ATP5PB: variants seen among roughly 807,000 people sequenced by gnomAD.
ATP5PB encodes ATP synthase peripheral stalk-membrane subunit b.
In ATP5PB, 21 loss-of-function variants were observed where a neutral mutation model predicts 34.5. The ratio of observed to expected loss-of-function variants is 0.61; its 90% CI spans 0.43 to 0.88. The LOEUF is 0.88. Among genes scored for constraint, ATP5PB ranks in the 40% least tolerant of loss-of-function variants. ATP5PB has a pLI of 0.00. For missense variants in ATP5PB, 293 were observed against 317.4 expected, an observed-to-expected ratio of 0.92 and a Z score of 0.58; for synonymous variants, 108 against 114.1, an observed-to-expected ratio of 0.95 and a Z score of 0.34.
intron 5 of ATP5PB, among the ~76,000 whole-genome samples, chr1:111,457,143 G>T (rs1653495240): frequency 6.6e-6 from 1 of 152,216 alleles, no homozygotes; most frequent in East Asian, 1.9e-4. Flanking sequence ...ATCTGATACT[G>T]TACATTCTAA....
At position 111,449,599 on chromosome 1, in the gene ATP5PB, T is replaced by G; in HGVS notation, c.40+18T>G. On this transcript the variant is annotated intron_variant, in intron 1 of 6. Transcript: ENST00000369722. The stretch of plus-strand genomic sequence containing the variant: ...CACAGCGGGTAAGGGGTATAGACCC[T>G]GCTCTGGACTATCAGAGTGATTGGA... The G allele has an allele frequency of 6.3e-7, 1 of 1,587,818 alleles. No homozygotes were observed. The highest frequency in any genetic ancestry group is 8.6e-7 in the Non-Finnish European group (1 of 1,166,436).
At position 111,462,721 on chromosome 1, in the gene ATP5PB, TTTGA is replaced by T. The variant is rs1294660814; in HGVS notation, c.*1731_*1734del. ...TGATATCTTTGTTACTTAAAGATAA[TTTGA>T]TTGGATCAGCAGTTATTTCAAATTG... On this transcript the variant is annotated 3_prime_UTR_variant, in exon 7 of 7. Coordinates refer to ENST00000369722, the MANE Select transcript of ATP5PB (RefSeq NM_001688.5). 6.6e-5 allele frequency: 10 copies of T among 152,374 alleles called. No individual in the cohort carries two copies. The East Asian group carries it at 1.7e-3, about 26-fold the overall frequency. The allele number at this position is 152,374 out of a possible 1,614,324, so 9.4% of individuals were successfully genotyped here.
chr1:111,456,653 G>A lies in ATP5PB; in HGVS notation c.411G>A (p.Glu137=), dbSNP rs1263454948. Residue 137 remains glutamate (E), a synonymous_variant, in exon 5 of 7, where the codon GAG becomes GAA. Transcript: ENST00000369722. Reference sequence around the variant, plus strand: ...AGCAAAAACTTGCCCAACTAGAAGAGGCGAAGCAGGCTTCCATCCAACACA... The same window carrying A: ...AGCAAAAACTTGCCCAACTAGAAGAAGCGAAGCAGGCTTCCATCCAACACA... ...LNEQKLAQLE[E]AKQASIQHIQ... is the part of the protein sequence containing the mutation. 6.2e-7 allele frequency: 1 copy of A among 1,613,476 alleles called. No individual in the cohort carries two copies. The highest frequency in any genetic ancestry group is 8.5e-7 in the Non-Finnish European group (1 of 1,179,820).
intron 2 of ATP5PB, among the ~76,000 whole-genome samples, chr1:111,452,312 A>T (rs922747834): frequency 6.6e-6 from 1 of 152,162 alleles, no homozygotes; most frequent in Non-Finnish European, 1.5e-5. Context: ...TCACGCCTGT[A>T]ATTTCAGCAC....
Position 111,459,500 on chromosome 1 carries a change from T to A in ATP5PB, c.557T>A (p.Leu186Gln), listed in dbSNP as rs774278975. The A allele has an allele frequency of 3.2e-5, 51 of 1,613,152 alleles. No homozygotes were observed. Among genetic ancestry groups the A allele is most frequent in the Non-Finnish European group, 3.9e-5 (46 of 1,179,528 alleles). The change falls in exon 6 of 7, where the codon CTG becomes CAG. Residue 186 changes from leucine to glutamine, a missense_variant. Transcript: ENST00000369722. Reference protein sequence around the residue: ...MALEVTYRERLYRVYKEVKNR... With the variant: ...MALEVTYRERQYRVYKEVKNR... ...TTGGAAGTTACTTACCGGGAACGACTGTATAGAGTATATAAGGAAGTAAAG... is the reference window on the plus strand; with the variant it reads ...TTGGAAGTTACTTACCGGGAACGACAGTATAGAGTATATAAGGAAGTAAAG...
At chr1:111,459,417 G>A (rs1412747927) in intron 5 of ATP5PB, 40 bp from the exon 6 acceptor site, 1 of 1,561,270 alleles carries the variant, frequency 6.4e-7, no homozygotes, top group Non-Finnish European at 8.7e-7. Flanking sequence ...ATTCCTTCAA[G>A]TATACAAACA....
At chr1:111,455,884 G>A (rs1653458587) in intron 3 of ATP5PB, among the ~76,000 whole-genome samples, 1 of 152,184 alleles carries the variant, frequency 6.6e-6, no homozygotes, top group Admixed American at 6.5e-5. Flanking sequence ...CTTTAAAATT[G>A]TAGAGTCAGT....
chr1:111,452,807 G>A (rs565276806), intron 2 of ATP5PB, among the ~76,000 whole-genome samples: 29 of 152,106 alleles, frequency 1.9e-4, no homozygotes, highest in African/African-American at 6.0e-4. Flanking sequence ...GGGAGGGAGG[G>A]GCTACTGGTA....
chr1:111,450,363 A>G (rs1653285839), intron 2 of ATP5PB, among the ~76,000 whole-genome samples: 1 of 152,248 alleles, frequency 6.6e-6, no homozygotes. Flanking sequence ...CAAGGATACA[A>G]GAATGAGTAT....
intron 2 of ATP5PB, among the ~76,000 whole-genome samples, chr1:111,452,716 T>A (rs1380029928): frequency 6.6e-6 from 1 of 152,228 alleles, no homozygotes; most frequent in Non-Finnish European, 1.5e-5. Context: ...AATCAGTGCT[T>A]CTTAGCCTGG....
rs763709495 is a variant in ATP5PB, at chr1:111,449,918, C to T, written c.77+45C>T. The T allele has an allele frequency of 3.7e-6, 6 of 1,611,920 alleles. No individual in the cohort carries two copies. In the South Asian group the frequency reaches 4.4e-5, roughly 12 times the overall value. The stretch of plus-strand genomic sequence containing the variant: ...TCCCTTTCGTCTTTGTTTTCACTAC[C>T]TTTTATTTCCCGATTCCTGCCCCCA... On this transcript the variant is annotated intron_variant, in intron 2 of 6. Transcript: ENST00000369722.
intron 2 of ATP5PB, among the ~76,000 whole-genome samples, chr1:111,450,132 C>A (rs991574638): frequency 6.6e-6 from 1 of 152,212 alleles, no homozygotes; most frequent in Non-Finnish European, 1.5e-5. Context: ...CTATACCCGC[C>A]CTACTCCTTT....
chr1:111,452,536 G>A lies in ATP5PB; in HGVS notation c.78-1675G>A, dbSNP rs530459990. ...CAGTGAGCTGAGATCATGCCACTGT[G>A]CTCCCGCCTGGGTGATAGGGCAAGA... On this transcript the variant is annotated intron_variant, in intron 2 of 6. Coordinates refer to ENST00000369722, the MANE Select transcript of ATP5PB (RefSeq NM_001688.5). 5.9e-5 allele frequency among the ~76,000 whole-genome samples: 9 copies of A among 152,264 alleles called. No individual in the cohort carries two copies. In the East Asian group the frequency reaches 1.5e-3, roughly 26 times the overall value.
intron 2 of ATP5PB, 147 bp from the exon 3 acceptor site, chr1:111,454,064 T>A: frequency 1.2e-6 from 1 of 859,890 alleles, no homozygotes; most frequent in Non-Finnish European, 1.7e-6. Flanking sequence ...GACCCTAACC[T>A]TCCCATTCCC....
At chr1:111,455,011 T>C (rs1400119037) in intron 3 of ATP5PB, among the ~76,000 whole-genome samples, 1 of 152,196 alleles carries the variant, frequency 6.6e-6, no homozygotes, top group Non-Finnish European at 1.5e-5. Context: ...TACTGTTAGG[T>C]AATGAAAAGG....
At chr1:111,459,152 G>A (rs1327978221) in intron 5 of ATP5PB, among the ~76,000 whole-genome samples, 3 of 152,090 alleles carry the variant, frequency 2.0e-5, no homozygotes, top group African/African-American at 7.2e-5. Flanking sequence ...AAAGTGATGT[G>A]TATATGCCTA....
intron 2 of ATP5PB, among the ~76,000 whole-genome samples, chr1:111,453,220 T>A (rs1653382030): frequency 6.6e-6 from 1 of 152,150 alleles, no homozygotes; most frequent in East Asian, 1.9e-4. Flanking sequence ...CAGTATGCTG[T>A]AACTGTTAAA....
intron 2 of ATP5PB, 69 bp downstream of exon 2, chr1:111,449,942 C>T: frequency 6.3e-7 from 1 of 1,595,740 alleles, no homozygotes; most frequent in Non-Finnish European, 8.6e-7. Context: ...TTCCTGCCCC[C>T]ACCCCCTTAG....
intron 1 of ATP5PB, 74 bp from the exon 2 acceptor site, chr1:111,449,763 A>G: frequency 6.2e-7 from 1 of 1,607,292 alleles, no homozygotes; most frequent in African/African-American, 1.3e-5. Flanking sequence ...TTAGTGATAG[A>G]GCCTGGCGGG....
Sources: allele counts gnomAD v4.1 joint callset (sites outside exome capture counted in the v4.1 genomes callset), GRCh38; gene constraint gnomAD v4.1.1; transcripts MANE v1.5; gene names NCBI Gene and HGNC (gene_info 2026-07-23, HGNC 2026-07-21).